The following CSMD1 variants were observed in gnomAD, a reference collection of about 807,000 sequenced individuals.
The protein encoded by CSMD1 is CUB and sushi domain-containing protein 1.
CSMD1 carries 213 observed loss-of-function variants against 417.5 expected under a neutral mutation model. The ratio of observed to expected loss-of-function variants is 0.51; its 90% CI spans 0.46 to 0.57. The LOEUF is 0.57. Among genes scored for constraint, CSMD1 ranks in the 20% least tolerant of loss-of-function variants. CSMD1 has a pLI of 0.00. For missense variants in CSMD1, 6,923 were observed against 4,529.7 expected, an observed-to-expected ratio of 1.53 and a Z score of -15.17; for synonymous variants, 2,862 against 1,736.8, an observed-to-expected ratio of 1.65 and a Z score of -16.11.
In CSMD1 at chr8:4,356,398, C is replaced by T. The variant is rs558922993; in HGVS notation, c.415+63555G>A. Among the ~76,000 whole-genome samples the T allele has an allele frequency of 9.9e-5, 15 of 152,142 alleles. No individual in the cohort carries two copies. In the South Asian group the frequency reaches 2.3e-3, roughly 23 times the overall value. ...TTTATGGACATTTGGGTTGGTTCTA[C>T]GATTTTGCAATTGTCAATTGTGCTA... On this transcript the variant is annotated intron_variant, in intron 3 of 69. Coordinates refer to ENST00000635120, the MANE Select transcript of CSMD1 (RefSeq NM_033225.6).
intron 4 of CSMD1, among the ~76,000 whole-genome samples, chr8:4,017,916 G>A (rs1034384421): frequency 6.6e-6 from 1 of 152,126 alleles, no homozygotes; most frequent in East Asian, 1.9e-4. Context: ...TATTTCTGAT[G>A]ACTCCAATCA....
intron 1 of CSMD1, among the ~76,000 whole-genome samples, chr8:4,964,502 CAAAAAAA>C (rs10622416): frequency 9.4e-6 from 1 of 105,976 alleles, no homozygotes; most frequent in African/African-American, 3.8e-5. Context: ...ACCCTGTCTC[CAAAAAAA>C]AAAAAAAAAA....
chr8:3,260,619 G>C (rs532608028), intron 26 of CSMD1, among the ~76,000 whole-genome samples: 2 of 151,078 alleles, frequency 1.3e-5, no homozygotes, highest in Admixed American at 1.3e-4. Flanking sequence ...GATGGCTCCA[G>C]TGCTTAGGGA....
At chr8:4,802,350 C>CGTGT (rs1422073371) in intron 1 of CSMD1, among the ~76,000 whole-genome samples, 15 of 138,540 alleles carry the variant, frequency 1.1e-4, no homozygotes, top group East Asian at 9.9e-4. Context: ...AGTGTGTGCG[C>CGTGT]GCGTGTGTGT....
chr8:4,839,975 A>G (rs1221462618), intron 1 of CSMD1, among the ~76,000 whole-genome samples: 2 of 152,194 alleles, frequency 1.3e-5, no homozygotes, highest in African/African-American at 4.8e-5. Flanking sequence ...TTGCAAGTGT[A>G]AAATAGGAAT....
At chr8:4,283,437 T>C (rs1796897049) in intron 3 of CSMD1, among the ~76,000 whole-genome samples, 1 of 152,190 alleles carries the variant, frequency 6.6e-6, no homozygotes, top group Admixed American at 6.5e-5. Flanking sequence ...GGTACAGGAT[T>C]TCCAAATGCA....
chr8:3,486,657 T>C (rs1438973612), intron 11 of CSMD1, among the ~76,000 whole-genome samples: 1 of 152,222 alleles, frequency 6.6e-6, no homozygotes, highest in Non-Finnish European at 1.5e-5. Context: ...ACCACCTTAT[T>C]TGCAGCAGCA....
chr8:3,874,837 G>A (rs13258665), intron 5 of CSMD1, among the ~76,000 whole-genome samples: 10,918 of 152,112 alleles, frequency 0.072, 474 homozygotes, highest in South Asian at 0.15. Flanking sequence ...CAATTTCGGA[G>A]GATGAATAAA....
intron 5 of CSMD1, among the ~76,000 whole-genome samples, chr8:3,981,358 G>A (rs868808377): frequency 2.6e-5 from 4 of 152,118 alleles, no homozygotes; most frequent in Admixed American, 2.6e-4. Context: ...GAGTGGAAGG[G>A]GGGTGAAGGA....
chr8:3,766,350 T>G (rs1798265696), intron 5 of CSMD1, among the ~76,000 whole-genome samples: 1 of 152,174 alleles, frequency 6.6e-6, no homozygotes, highest in Non-Finnish European at 1.5e-5. Flanking sequence ...CAAGCTAATC[T>G]GGATCCAAGT....
At chr8:4,151,515 T>G (rs1210633098) in intron 3 of CSMD1, among the ~76,000 whole-genome samples, 3 of 152,224 alleles carry the variant, frequency 2.0e-5, no homozygotes, top group Non-Finnish European at 4.4e-5. Context: ...TGGAAGATTT[T>G]GGTAGTGAAA....
intron 2 of CSMD1, among the ~76,000 whole-genome samples, chr8:4,497,043 T>C (rs1372984073): frequency 6.6e-6 from 1 of 152,212 alleles, no homozygotes; most frequent in African/African-American, 2.4e-5. Flanking sequence ...ATTTCCTCTC[T>C]GTCTCTTTCT....
intron 5 of CSMD1, among the ~76,000 whole-genome samples, chr8:3,878,557 G>A (rs1208026858): frequency 6.6e-6 from 1 of 152,058 alleles, no homozygotes; most frequent in African/African-American, 2.4e-5. Context: ...TAGATAGGAA[G>A]TATAGAAAAA....
intron 5 of CSMD1, among the ~76,000 whole-genome samples, chr8:3,908,686 T>C (rs1324548970): frequency 6.7e-6 from 1 of 150,046 alleles, no homozygotes; most frequent in Non-Finnish European, 1.5e-5. Context: ...ATGAAACAAC[T>C]CTGGTGAAGC....
chr8:3,684,432 G>C (rs1432039075), intron 7 of CSMD1, among the ~76,000 whole-genome samples: 2 of 149,382 alleles, frequency 1.3e-5, no homozygotes, highest in Admixed American at 6.7e-5. Flanking sequence ...TCATCTGCAT[G>C]ACTCATAGTA....
At chr8:4,948,892 G>A (rs929841231) in intron 1 of CSMD1, among the ~76,000 whole-genome samples, 2 of 152,026 alleles carry the variant, frequency 1.3e-5, no homozygotes, top group Non-Finnish European at 2.9e-5. Flanking sequence ...AAAAGACCAT[G>A]TTTTTACATA....
intron 3 of CSMD1, among the ~76,000 whole-genome samples, chr8:4,036,282 T>C (rs940024323): frequency 6.6e-6 from 1 of 152,182 alleles, no homozygotes; most frequent in African/African-American, 2.4e-5. Context: ...CAAGATGCTG[T>C]TGTTATGGTC....
chr8:3,118,946 C>G (rs773724738), intron 41 of CSMD1, among the ~76,000 whole-genome samples: 31 of 152,064 alleles, frequency 2.0e-4, no homozygotes, highest in African/African-American at 7.5e-4. Flanking sequence ...TCTGGGAGGC[C>G]GAGGCGGGAG....
At chr8:4,380,844 T>A (rs144006319) in intron 3 of CSMD1, among the ~76,000 whole-genome samples, 1 of 152,178 alleles carries the variant, frequency 6.6e-6, no homozygotes, top group East Asian at 1.9e-4. Context: ...GTGTTTAATA[T>A]CTCATTATTT....
Sources: gnomAD v4.1 joint callset for allele counts (sites outside exome capture counted in the v4.1 genomes callset) on GRCh38, gnomAD v4.1.1 for gene constraint, MANE v1.5 for transcripts, NCBI Gene and HGNC (gene_info 2026-07-23, HGNC 2026-07-21) for gene names.